AKAP7: variants seen among roughly 807,000 people sequenced by gnomAD.
AKAP7 encodes the protein A kinase (PRKA) anchor protein 7.
Under a neutral mutation model 39.5 loss-of-function variants are expected in AKAP7, and 39 were observed. The ratio of observed to expected loss-of-function variants is 0.99; its 90% CI spans 0.76 to 1.29. The LOEUF is 1.29. AKAP7 is among the 50% of genes most tolerant of loss of function. The pLI, the probability that AKAP7 is intolerant of heterozygous loss-of-function variation, is 0.00. For missense variants in AKAP7, 414 were observed against 407.7 expected, an observed-to-expected ratio of 1.02 and a Z score of -0.13; for synonymous variants, 140 against 139.1, an observed-to-expected ratio of 1.01 and a Z score of -0.05.
chr6:131,209,257 T>G lies in AKAP7; in HGVS notation c.702+9684T>G, dbSNP rs181210990. 7.6e-3 allele frequency among the ~76,000 whole-genome samples: 1,164 copies of G among 152,282 alleles called. 13 individuals are homozygous for G. The highest frequency in any genetic ancestry group is 0.021 in the African/African-American group (876 of 41,554). ...TCTACAGATAAGCATCTGATTTTTT[T>G]TTTGTTTGTTTGAGATGGAGTCTCG... is the stretch of plus-strand genomic sequence containing the variant. On this transcript the variant is annotated intron_variant, in intron 6 of 7. Coordinates refer to ENST00000431975, the MANE Select transcript of AKAP7 (RefSeq NM_016377.4).
chr6:131,180,818 TTTTTTTG>T, intron 5 of AKAP7, among the ~76,000 whole-genome samples: 2 of 131,498 alleles, frequency 1.5e-5, no homozygotes, highest in African/African-American at 5.9e-5. Context: ...CACCACTTTC[TTTTTTTG>T]TTTGTTTTGT....
intron 5 of AKAP7, among the ~76,000 whole-genome samples, chr6:131,173,664 G>A (rs566944826): frequency 1.8e-4 from 27 of 152,178 alleles, no homozygotes; most frequent in Non-Finnish European, 3.7e-4. Flanking sequence ...AATCATCTGG[G>A]ACCAATGCCC....
At chr6:131,216,522 C>T (rs759092246) in intron 6 of AKAP7, among the ~76,000 whole-genome samples, 15 of 152,112 alleles carry the variant, frequency 9.9e-5, no homozygotes, top group Non-Finnish European at 2.1e-4. Flanking sequence ...TCCTGTTTCC[C>T]GGTACATTGT....
chr6:131,223,253 G>A lies in AKAP7; in HGVS notation c.850+3445G>A, dbSNP rs1439608687. On this transcript the variant is annotated intron_variant, in intron 7 of 7. Transcript: ENST00000431975. ...ATACCTCTGAGGTATGCCTGTATATGTAGCTAAATATTGCAAGGTCTTTAA... is the reference window on the plus strand; with the variant it reads ...ATACCTCTGAGGTATGCCTGTATATATAGCTAAATATTGCAAGGTCTTTAA... Among the ~76,000 whole-genome samples the A allele has an allele frequency of 3.9e-5, 6 of 152,250 alleles. No homozygotes were observed. In the East Asian group the frequency reaches 1.2e-3, roughly 29 times the overall value.
chr6:131,194,542 C>G lies in AKAP7; in HGVS notation c.590-4919C>G, dbSNP rs1354425568. 2.0e-5 allele frequency among the ~76,000 whole-genome samples: 3 copies of G among 151,908 alleles called. No individual in the cohort carries two copies. The East Asian group carries it at 5.8e-4, about 29-fold the overall frequency. On this transcript the variant is annotated intron_variant, in intron 5 of 7. Coordinates refer to ENST00000431975, the MANE Select transcript of AKAP7 (RefSeq NM_016377.4). ...AACATTCTGTAAATATCTATTAGGT[C>G]CATTTGGTCTATAGTGCAGATTAAG...
intron 5 of AKAP7, chr6:131,185,506 C>G (rs1466153598): frequency 6.8e-6 from 2 of 295,306 alleles, no homozygotes; most frequent in Non-Finnish European, 1.3e-5. Context: ...TTCTCTCCCT[C>G]CAGTAATGGC....
At chr6:131,190,503 A>T (rs1339606751) in intron 5 of AKAP7, among the ~76,000 whole-genome samples, 2 of 151,998 alleles carry the variant, frequency 1.3e-5, no homozygotes, top group Admixed American at 6.6e-5. Flanking sequence ...TTAGCCAGGC[A>T]TGGTGGTGCG....
chr6:131,253,142 A>G (rs1342552271), intron 7 of AKAP7: 7 of 1,583,534 alleles, frequency 4.4e-6, no homozygotes, highest in South Asian at 3.4e-5. Context: ...TCCTGCTGCT[A>G]TTTTATCCTG....
At chr6:131,261,469 T>G (rs1051316625) in intron 7 of AKAP7, among the ~76,000 whole-genome samples, 3 of 152,144 alleles carry the variant, frequency 2.0e-5, no homozygotes, top group African/African-American at 4.8e-5. Flanking sequence ...TTTGTCCACA[T>G]TTAGGTTTAA....
At chr6:131,149,955 A>G (rs1235400257) in intron 2 of AKAP7, among the ~76,000 whole-genome samples, 2 of 152,178 alleles carry the variant, frequency 1.3e-5, no homozygotes, top group Non-Finnish European at 2.9e-5. Context: ...AGTCTCTTAA[A>G]GGAATCACAG....
intron 7 of AKAP7, among the ~76,000 whole-genome samples, chr6:131,251,148 G>A (rs980271968): frequency 2.0e-5 from 3 of 152,140 alleles, no homozygotes; most frequent in South Asian, 4.1e-4. Context: ...AAGTGATGCC[G>A]CTTTGCTTCT....
At chr6:131,272,577 A>G (rs1431167798) in intron 7 of AKAP7, among the ~76,000 whole-genome samples, 1 of 152,136 alleles carries the variant, frequency 6.6e-6, no homozygotes, top group Non-Finnish European at 1.5e-5. Context: ...AGTTAAAGGT[A>G]TTTTCTAATT....
At chr6:131,280,727 A>C (rs970868920) in intron 7 of AKAP7, among the ~76,000 whole-genome samples, 1 of 152,176 alleles carries the variant, frequency 6.6e-6, no homozygotes, top group Non-Finnish European at 1.5e-5. Flanking sequence ...GGAGCCCCTT[A>C]GTTCCTTTTC....
the AKAP7 span, among the ~76,000 whole-genome samples, chr6:131,125,794 TCAGGTAGTGTGGCC>T: frequency 1.3e-5 from 2 of 152,218 alleles, no homozygotes; most frequent in African/African-American, 4.8e-5. Flanking sequence ...TCCTCAGGAT[TCAGGTAGTGTGGCC>T]CATTCATGCC....
chr6:131,244,978 G>T (rs1280576249), intron 7 of AKAP7, among the ~76,000 whole-genome samples: 2 of 152,130 alleles, frequency 1.3e-5, no homozygotes. Context: ...TTGAAAATAT[G>T]ACTAAAGTAG....
chr6:131,143,626 G>A (rs572616664), intron 1 of AKAP7, among the ~76,000 whole-genome samples: 1 of 151,864 alleles, frequency 6.6e-6, no homozygotes, highest in African/African-American at 2.4e-5. Context: ...ATACAACAGG[G>A]GTGTGTGTGT....
At chr6:131,149,541 C>T (rs1413444431) in intron 2 of AKAP7, among the ~76,000 whole-genome samples, 4 of 152,114 alleles carry the variant, frequency 2.6e-5, no homozygotes, top group African/African-American at 2.4e-5. Flanking sequence ...AGGCCGAGGC[C>T]GGAGGATTGC....
At chr6:131,214,824 AT>A (rs1808996229) in intron 6 of AKAP7, among the ~76,000 whole-genome samples, 1 of 152,184 alleles carries the variant, frequency 6.6e-6, no homozygotes, top group Admixed American at 6.6e-5. Flanking sequence ...TATTCTTAGA[AT>A]TTTAATATTT....
chr6:131,281,835 A>G lies in AKAP7; in HGVS notation c.*109A>G, dbSNP rs566206236. On this transcript the variant is annotated 3_prime_UTR_variant, in exon 8 of 8. Coordinates refer to ENST00000431975, the MANE Select transcript of AKAP7 (RefSeq NM_016377.4). The surrounding 1 kb of genome is among the most constrained non-coding windows in gnomAD (Gnocchi z 4.0). ...GTTTAAGTTAAGTTTCTCTGGTGCA[A>G]TCTGTGAAGATTGCCTAATACTTTT... The G allele has an allele frequency of 5.2e-6, 7 of 1,342,824 alleles. No individual in the cohort carries two copies. Among genetic ancestry groups the G allele is most frequent in the East Asian group, 5.8e-5 (2 of 34,750 alleles). 83.2% of individuals were successfully genotyped at this position (1,342,824 alleles called of 1,614,324 possible). A position where few individuals can be genotyped will look rare whatever the true frequency, so the allele number is the denominator to read the frequency against.
Sources: allele counts gnomAD v4.1 joint callset (sites outside exome capture counted in the v4.1 genomes callset), GRCh38; gene constraint gnomAD v4.1.1; non-coding constraint Gnocchi (gnomAD v3.1); transcripts MANE v1.5; gene names NCBI Gene and HGNC (gene_info 2026-07-23, HGNC 2026-07-21).